ECHS1: variants seen among roughly 807,000 people sequenced by gnomAD.
ECHS1 encodes the protein enoyl-CoA hydratase, short chain 1, also known as enoyl-CoA hydratase, mitochondrial.
A neutral mutation model predicts 33.5 loss-of-function variants in ECHS1; 19 were observed. The ratio of observed to expected loss-of-function variants is 0.57; its 90% confidence interval spans 0.40 to 0.83. ECHS1 has a LOEUF of 0.83. Among genes scored for constraint, ECHS1 ranks in the 40% least tolerant of loss-of-function variants. ECHS1 has a pLI of 0.00. For synonymous variants in ECHS1, 158 were observed against 146.6 expected (o/e 1.08, Z -0.56); for missense variants, 365 against 381.3 (o/e 0.96, Z 0.36).
In ECHS1 at chr10:133,369,005, C is replaced by T; in HGVS notation, c.432G>A (p.Glu144=). ...AGATGATATCACACATCATGGCAAG[C>T]TCACAGCCCCCGCCAAACTGTAAAA... ...VNGYAFGGGC[E]LAMMCDIIYA... The change falls in exon 4 of 8, where the codon GAG becomes GAA. Residue 144 remains glutamate, a synonymous_variant. Transcript: ENST00000368547. 1.2e-6 allele frequency: 2 copies of T among 1,613,638 alleles called. No homozygotes were observed. The highest frequency in any genetic ancestry group is 1.7e-6 in the Non-Finnish European group (2 of 1,179,932).
chr10:133,367,093 C>A lies in ECHS1; in HGVS notation c.515-100G>T. The A allele has an allele frequency of 5.3e-6, 5 of 943,336 alleles. No individual in the cohort carries two copies. The Admixed American group carries it at 8.1e-5, about 15-fold the overall frequency. The allele number at this position is 943,336 out of a possible 1,614,324, so 58.4% of individuals were successfully genotyped here. On this transcript the variant is annotated intron_variant, in intron 4 of 7. Transcript: ENST00000368547. ...AAATTCCAAGGGGCTTAAGATAGGC[C>A]CTGAGACTAGGTCCAGGGGTCAGAG...
chr10:133,370,709 G>T lies in ECHS1; in HGVS notation c.137C>A (p.Thr46Asn). ...IIAEKRGKNN[T>N]VGLIQLNRPK... ...GCGGTTCAGTTGGATCAACCCCACGGTGTTATTCTTCCCTCTTTTTTCTGC... is the reference window on the plus strand; with the variant it reads ...GCGGTTCAGTTGGATCAACCCCACGTTGTTATTCTTCCCTCTTTTTTCTGC... The change falls in exon 2 of 8, where the codon ACC (threonine) becomes AAC (asparagine). Residue 46 changes from threonine (T) to asparagine (N), a missense_variant. Coordinates refer to ENST00000368547, the MANE Select transcript of ECHS1 (RefSeq NM_004092.4). 2 of 1,612,960 alleles carry T rather than the reference G, an allele frequency of 1.2e-6. No homozygotes were observed. The highest frequency in any genetic ancestry group is 1.7e-6 in the Non-Finnish European group (2 of 1,179,714).
At chr10:133,372,189 G>A (rs1040036906) in intron 1 of ECHS1, among the ~76,000 whole-genome samples, 1 of 152,226 alleles carries the variant, frequency 6.6e-6, no homozygotes, top group African/African-American at 2.4e-5. Context: ...TGCTGTCAGG[G>A]TGGAGAAGCC....
At chr10:133,366,207 G>A (rs1589880563) in intron 5 of ECHS1, 112 bp from the exon 6 acceptor site, 5 of 1,329,608 alleles carry the variant, frequency 3.8e-6, no homozygotes, top group Middle Eastern at 4.3e-4. Flanking sequence ...GCCTCTGGAC[G>A]CTAAGCAAGG....
chr10:133,362,726 G>T lies in ECHS1; in HGVS notation c.*142C>A. ...GAAGGCTGTCATGCCGTGAGAGGTC[G>T]GGCCACGACCACGCAGCAATTGGAG... On this transcript the variant is annotated 3_prime_UTR_variant, in exon 8 of 8. Coordinates refer to ENST00000368547, the MANE Select transcript of ECHS1 (RefSeq NM_004092.4). 1.1e-6 allele frequency: 1 copy of T among 903,820 alleles called. No homozygotes were observed. Among genetic ancestry groups the T allele is most frequent in the Non-Finnish European group, 1.8e-6 (1 of 564,194 alleles). 56.0% of individuals were successfully genotyped at this position (903,820 alleles called of 1,614,324 possible). A position where few individuals can be genotyped will look rare whatever the true frequency, so the allele number is the denominator to read the frequency against.
intron 1 of ECHS1, 62 bp from the exon 2 acceptor site, chr10:133,370,819 G>A (rs1849098576): frequency 2.0e-6 from 3 of 1,535,874 alleles, no homozygotes; most frequent in African/African-American, 2.7e-5. Context: ...GGAGAGTGGG[G>A]GAAGGGATGT....
chr10:133,363,853 A>AGG (rs1848997713), intron 7 of ECHS1, among the ~76,000 whole-genome samples: 1 of 152,234 alleles, frequency 6.6e-6, no homozygotes, highest in East Asian at 1.9e-4. Flanking sequence ...GAAATCTTAT[A>AGG]AAATATTGCT....
Position 133,370,622 on chromosome 10 carries a change from G to A in ECHS1, c.224C>T (p.Thr75Ile), listed in dbSNP as rs1049951. 0.92 allele frequency: 1,490,016 copies of A among 1,612,138 alleles called. 695,367 individuals are homozygous for A. The highest frequency in any genetic ancestry group is 0.98 in the East Asian group (43,792 of 44,848). Residue 75 changes from threonine to isoleucine, a missense_variant, in exon 2 of 8, where the codon ACC becomes ATC. Thr to Ile is a moderately conservative substitution (Grantham distance 89). Coordinates refer to ENST00000368547, the MANE Select transcript of ECHS1 (RefSeq NM_004092.4). Reference sequence around the variant, plus strand: ...CCCCACGGCCGGGTCCTCCTCGAAGGTCTTCAGGGCCTGGTTGAGCTCGTC... The same window carrying A: ...CCCCACGGCCGGGTCCTCCTCGAAGATCTTCAGGGCCTGGTTGAGCTCGTC... ...LIDELNQALK[T>I]FEEDPAVGAI... is the part of the protein sequence containing the mutation.
chr10:133,373,211 G>A (rs1244321905), intron 1 of ECHS1, 35 bp downstream of exon 1: 10 of 1,400,368 alleles, frequency 7.1e-6, no homozygotes, highest in Non-Finnish European at 8.3e-6. Context: ...GAGTCAGGAG[G>A]AGATTCGGGC....
In ECHS1 at chr10:133,370,703, C is replaced by T; in HGVS notation, c.143G>A (p.Gly48Glu). Residue 48 changes from glycine to glutamate, a missense_variant, in exon 2 of 8, where the codon GGG becomes GAG. Transcript: ENST00000368547. ...AEKRGKNNTV[G>E]LIQLNRPKAL... ...CTTGGGGCGGTTCAGTTGGATCAAC[C>T]CCACGGTGTTATTCTTCCCTCTTTT... 2 of 1,613,192 alleles carry T rather than the reference C, an allele frequency of 1.2e-6. No individual in the cohort carries two copies. The highest frequency in any genetic ancestry group is 1.7e-6 in the Non-Finnish European group (2 of 1,179,742).
chr10:133,373,262 C>G lies in ECHS1; in HGVS notation c.72G>C (p.Trp24Cys). ...PLRPPVRCPA[W>C]RPFASGANFE... ...CGCACTCACCCGAGGCGAAGGGACG[C>G]CAGGCGGGACAGCGAACCGGGGGCC... Residue 24 changes from tryptophan (W) to cysteine (C), a missense_variant, in exon 1 of 8, where the codon TGG becomes TGC. By Grantham distance (215) the Trp-to-Cys change is radical. Transcript: ENST00000368547. 6.9e-7 allele frequency: 1 copy of G among 1,445,518 alleles called. No individual in the cohort carries two copies. The highest frequency in any genetic ancestry group is 9.0e-7 in the Non-Finnish European group (1 of 1,107,918). 89.5% of individuals were successfully genotyped at this position (1,445,518 alleles called of 1,614,324 possible).
At position 133,368,986 on chromosome 10, in the gene ECHS1, T is replaced by C. The variant is rs1181924230; in HGVS notation, c.451A>G (p.Ile151Val). 6.2e-7 allele frequency: 1 copy of C among 1,613,592 alleles called. No individual in the cohort carries two copies. Among genetic ancestry groups the C allele is most frequent in the Non-Finnish European group, 8.5e-7 (1 of 1,179,958 alleles). Residue 151 changes from isoleucine to valine, a missense_variant, in exon 4 of 8, where the codon ATC becomes GTC. Ile to Val is a conservative substitution (Grantham distance 29, BLOSUM62 3). Transcript: ENST00000368547. ...GGCELAMMCD[I>V]IYAGEKAQFA... ...TGGGCCTTCTCACCGGCATAGATGA[T>C]ATCACACATCATGGCAAGCTCACAG...
At position 133,369,037 on chromosome 10, in the gene ECHS1, G is replaced by A; in HGVS notation, c.415-15C>T. The A allele has an allele frequency of 6.2e-7, 1 of 1,611,954 alleles. No homozygotes were observed. The highest frequency in any genetic ancestry group is 1.1e-5 in the South Asian group (1 of 91,022). On this transcript the variant is annotated splice_polypyrimidine_tract_variant and intron_variant, in intron 3 of 7. Transcript: ENST00000368547. Reference sequence around the variant, plus strand: ...CCCCCGCCAAACTGTAAAACATTCGGCATCAGGAGAGTCTTACCAGGGGAA... The same window carrying A: ...CCCCCGCCAAACTGTAAAACATTCGACATCAGGAGAGTCTTACCAGGGGAA...
In ECHS1 at chr10:133,370,685, C is replaced by A. The variant is rs375266808; in HGVS notation, c.161G>T (p.Arg54Leu). The change falls in exon 2 of 8, where the codon CGC becomes CTC. Residue 54 changes from arginine (R) to leucine (L), a missense_variant. Coordinates refer to ENST00000368547, the MANE Select transcript of ECHS1 (RefSeq NM_004092.4). ...NNTVGLIQLNRPKALNALCDG... is the reference protein window; with the variant it reads ...NNTVGLIQLNLPKALNALCDG... Reference sequence around the variant, plus strand: ...GCAAAGTGCATTGAGGGCCTTGGGGCGGTTCAGTTGGATCAACCCCACGGT... The same window carrying A: ...GCAAAGTGCATTGAGGGCCTTGGGGAGGTTCAGTTGGATCAACCCCACGGT... 2.5e-6 allele frequency: 4 copies of A among 1,613,228 alleles called. No individual in the cohort carries two copies. Among genetic ancestry groups the A allele is most frequent in the Non-Finnish European group, 3.4e-6 (4 of 1,179,768 alleles).
chr10:133,371,121 C>T (rs1849102971), intron 1 of ECHS1, among the ~76,000 whole-genome samples: 1 of 152,104 alleles, frequency 6.6e-6, no homozygotes, highest in African/African-American at 2.4e-5. Context: ...ACCTAAAATA[C>T]AAAAAATTAG....
At chr10:133,370,068 A>G in intron 2 of ECHS1, 37 bp from the exon 3 acceptor site, 3 of 1,611,916 alleles carry the variant, frequency 1.9e-6, no homozygotes, top group Non-Finnish European at 2.5e-6. Flanking sequence ...GTTACCAGAG[A>G]GCAGAGAGCC....
At position 133,362,893 on chromosome 10, in the gene ECHS1, C is replaced by G; in HGVS notation, c.848G>C (p.Arg283Thr). The G allele has an allele frequency of 6.2e-7, 1 of 1,614,196 alleles. No homozygotes were observed. Among genetic ancestry groups the G allele is most frequent in the African/African-American group, 1.3e-5 (1 of 75,076 alleles). ...KEGMTAFVEK[R>T]KANFKDQ The stretch of plus-strand genomic sequence containing the variant: ...TCACTGGTCTTTGAAGTTGGCCTTT[C>G]TCTTTTCCACAAACGCGGTCATCCC... Residue 283 changes from arginine (R) to threonine (T), a missense_variant, in exon 8 of 8, where the codon AGA becomes ACA. By Grantham distance (71) the Arg-to-Thr change is moderately conservative. Coordinates refer to ENST00000368547, the MANE Select transcript of ECHS1 (RefSeq NM_004092.4).
At chr10:133,371,957 T>C (rs1256327754) in intron 1 of ECHS1, among the ~76,000 whole-genome samples, 1 of 152,010 alleles carries the variant, frequency 6.6e-6, no homozygotes, top group Non-Finnish European at 1.5e-5. Flanking sequence ...CCACCACACC[T>C]GGCTAATTTT....
Position 133,366,001 on chromosome 10 carries a change from C to T in ECHS1, c.714G>A (p.Ala238=), listed in dbSNP as rs1324198051. ...CTGCATTCACTGATTCTTTGGCCATCGCTACTACAATTTTAGAATTGCTGG... is the reference window on the plus strand; with the variant it reads ...CTGCATTCACTGATTCTTTGGCCATTGCTACTACAATTTTAGAATTGCTGG... The part of the protein sequence containing the change: ...KIASNSKIVV[A]MAKESVNAAF... The change falls in exon 6 of 8, where the codon GCG becomes GCA. Residue 238 remains alanine, a synonymous_variant. Coordinates refer to ENST00000368547, the MANE Select transcript of ECHS1 (RefSeq NM_004092.4). 5 of 1,613,866 alleles carry T rather than the reference C, an allele frequency of 3.1e-6. No individual in the cohort carries two copies. Among genetic ancestry groups the T allele is most frequent in the Non-Finnish European group, 3.4e-6 (4 of 1,180,044 alleles).
Sources: gnomAD v4.1 joint callset for allele counts (sites outside exome capture counted in the v4.1 genomes callset) on GRCh38, gnomAD v4.1.1 for gene constraint, MANE v1.5 for transcripts, NCBI Gene and HGNC (gene_info 2026-07-23, HGNC 2026-07-21) for gene names.